TFEB: variants seen among roughly 807,000 people sequenced by gnomAD.
The protein encoded by TFEB is transcription factor EB.
In TFEB, 12 loss-of-function variants were observed where a neutral mutation model predicts 48.0. The observed-to-expected ratio is 0.25, with a 90% CI of 0.16 to 0.40. TFEB has a LOEUF of 0.40. Among genes scored for constraint, TFEB ranks in the 10% least tolerant of loss-of-function variants. The pLI, the probability that TFEB is intolerant of heterozygous loss-of-function variation, is 1.00. For synonymous variants in TFEB, 244 were observed against 261.4 expected (o/e 0.93, Z 0.64); for missense variants, 509 against 640.3 (o/e 0.79, Z 2.21).
intron 1 of TFEB, among the ~76,000 whole-genome samples, chr6:41,712,358 C>G (rs1226103961): frequency 6.6e-6 from 1 of 152,156 alleles, no homozygotes; most frequent in African/African-American, 2.4e-5. Context: ...GGGCACCGTG[C>G]CTTTTCCTGA....
chr6:41,687,645 C>T, intron 6 of TFEB, 108 bp downstream of exon 6: 1 of 1,433,910 alleles, frequency 7.0e-7, no homozygotes, highest in Non-Finnish European at 9.7e-7. Flanking sequence ...GTGAATTGGC[C>T]TTGAGCAGGG....
At chr6:41,697,501 A>C (rs1479784891) in intron 1 of TFEB, among the ~76,000 whole-genome samples, 2 of 74,220 alleles carry the variant, frequency 2.7e-5, no homozygotes, top group African/African-American at 1.4e-4. Context: ...CCCCTTCTCC[A>C]AACCCCCCCC....
Position 41,735,484 on chromosome 6 carries a change from GCCCGCCCCGTCCGCC to G in TFEB, c.-172_-158del. ...GCTCCGGCCCCGTGCCACCAGGGAG[GCCCGCCCCGTCCGCC>G]CTTCCCGCCGCCGTCGGCGCCGCGG... On this transcript the variant is annotated 5_prime_UTR_variant, in exon 1 of 9. Transcript: ENST00000373033. 5 of 984,598 alleles carry G rather than the reference GCCCGCCCCGTCCGCC, an allele frequency of 5.1e-6. No homozygotes were observed. Among genetic ancestry groups the G allele is most frequent in the Non-Finnish European group, 6.0e-6 (5 of 829,666 alleles). 61.0% of individuals were successfully genotyped at this position (984,598 alleles called of 1,614,324 possible).
intron 1 of TFEB, among the ~76,000 whole-genome samples, chr6:41,714,141 GTGTGTGTGCATGTGCA>G (rs1770615098): frequency 1.9e-5 from 1 of 53,078 alleles, no homozygotes; most frequent in Non-Finnish European, 3.2e-5. Context: ...GCATGTGTGC[GTGTGTGTGCATGTGCA>G]TGCGTGTGCA....
chr6:41,694,771 T>C (rs1050311843), intron 1 of TFEB, among the ~76,000 whole-genome samples: 2 of 152,108 alleles, frequency 1.3e-5, no homozygotes, highest in South Asian at 2.1e-4. Context: ...AAGGGTCCAC[T>C]GTGTACAGGT....
intron 1 of TFEB, among the ~76,000 whole-genome samples, chr6:41,712,896 C>G (rs1770547137): frequency 6.6e-6 from 1 of 152,206 alleles, no homozygotes. Flanking sequence ...ACCCACTCCC[C>G]CACCCGGCCT....
At chr6:41,704,874 T>C (rs1770123219) in intron 1 of TFEB, among the ~76,000 whole-genome samples, 1 of 152,226 alleles carries the variant, frequency 6.6e-6, no homozygotes, top group Non-Finnish European at 1.5e-5. Context: ...GAGGCCAGAA[T>C]GCAAGGCTGC....
chr6:41,712,376 T>G (rs140708102), intron 1 of TFEB, among the ~76,000 whole-genome samples: 6 of 152,268 alleles, frequency 3.9e-5, no homozygotes, highest in Middle Eastern at 3.4e-3. Flanking sequence ...TGAGTCCTGG[T>G]CTGGGATTGG....
rs981694388 is a variant in TFEB, at chr6:41,728,927, T to A, written c.-23+6423A>T. Among the ~76,000 whole-genome samples the A allele has an allele frequency of 1.1e-4, 16 of 152,110 alleles. 1 individual carries two copies. The highest frequency in any genetic ancestry group is 3.4e-4 in the African/African-American group (14 of 41,468). On this transcript the variant is annotated intron_variant, in intron 1 of 8. Transcript: ENST00000373033. ...GCATTTCTGGGCACACAATGGGGGC[T>A]CAATCCCATTCTCTCATCCATTCCA...
At chr6:41,707,264 G>T (rs1033212004) in intron 1 of TFEB, among the ~76,000 whole-genome samples, 2 of 152,212 alleles carry the variant, frequency 1.3e-5, no homozygotes, top group African/African-American at 4.8e-5. Context: ...TATCCAAGTG[G>T]CGGAGTGGGG....
At chr6:41,718,442 G>C (rs1179217479) in intron 1 of TFEB, among the ~76,000 whole-genome samples, 1 of 151,968 alleles carries the variant, frequency 6.6e-6, no homozygotes, top group Non-Finnish European at 1.5e-5. Context: ...TGAACTCCTA[G>C]GCTGAAGTCT....
chr6:41,734,468 G>T lies in TFEB; in HGVS notation c.-23+882C>A. The T allele has an allele frequency of 2.5e-6, 2 of 800,198 alleles. No individual in the cohort carries two copies. Among genetic ancestry groups the T allele is most frequent in the Non-Finnish European group, 3.0e-6 (2 of 661,368 alleles). 49.6% of individuals were successfully genotyped at this position (800,198 alleles called of 1,614,324 possible). A position where few individuals can be genotyped will look rare whatever the true frequency, so the allele number is the denominator to read the frequency against. On this transcript the variant is annotated intron_variant, in intron 1 of 8. Coordinates refer to ENST00000373033, the MANE Select transcript of TFEB (RefSeq NM_001271944.2). This position sits in a 1 kb window ranked among gnomAD's most constrained non-coding sequence, Gnocchi z 4.0. ...GCTCCCTTCCAGGAGGCGAGCGGAC[G>T]CGCTGGGCCAGAGCTGGTCGGGACA...
intron 1 of TFEB, among the ~76,000 whole-genome samples, chr6:41,706,351 C>A (rs1411050104): frequency 6.6e-6 from 1 of 152,174 alleles, no homozygotes; most frequent in Non-Finnish European, 1.5e-5. Flanking sequence ...TGTCTGGCAG[C>A]TTCTGCTTTC....
chr6:41,691,026 G>A lies in TFEB; in HGVS notation c.188C>T (p.Pro63Leu), dbSNP rs999187566. The A allele has an allele frequency of 5.1e-6, 8 of 1,575,154 alleles. No individual in the cohort carries two copies. In the Admixed American group the frequency reaches 1.3e-4, roughly 26 times the overall value. Reference sequence around the variant, plus strand: ...CTTCAACACCTCCCCAGGCACAGGTGGTGGCGACTGGAAGTGGACGGGGGT... The same window carrying A: ...CTTCAACACCTCCCCAGGCACAGGTAGTGGCGACTGGAAGTGGACGGGGGT... ...INTPVHFQSP[P>L]PVPGEVLKVQ... Residue 63 changes from proline (P) to leucine (L), a missense_variant, in exon 2 of 9, where the codon CCA becomes CTA. Around this residue, in one of 4 missense-constraint regions of TFEB, gnomAD observed 251 missense variants for 317.2 expected, o/e 0.79. Transcript: ENST00000373033. The surrounding 1 kb of genome is among the most constrained non-coding windows in gnomAD (Gnocchi z 5.2).
At chr6:41,686,966 C>A in intron 7 of TFEB, 128 bp downstream of exon 7, 1 of 796,186 alleles carries the variant, frequency 1.3e-6, no homozygotes, top group South Asian at 1.5e-5. Flanking sequence ...GATCTTTTCT[C>A]AAATAGATGA....
rs750828378 is a variant in TFEB at position 41,684,777 on chromosome 6, G to T, written c.1253C>A (p.Ala418Glu). ...EGPPGYPEPL[A>E]PGHGSPFPSL... ...GGGGAATGGGGAGCCATGCCCCGGCGCCAGGGGTTCGGGGTAGCCCGGGGG... is the reference window on the plus strand; with the variant it reads ...GGGGAATGGGGAGCCATGCCCCGGCTCCAGGGGTTCGGGGTAGCCCGGGGG... Residue 418 changes from alanine to glutamate, a missense_variant, in exon 9 of 9, where the codon GCG becomes GAG. Ala to Glu is a moderately radical substitution (Grantham distance 107). Coordinates refer to ENST00000373033, the MANE Select transcript of TFEB (RefSeq NM_001271944.2). 1.2e-6 allele frequency: 2 copies of T among 1,610,832 alleles called. No homozygotes were observed. Among genetic ancestry groups the T allele is most frequent in the Admixed American group, 1.7e-5 (1 of 59,586 alleles).
At chr6:41,712,025 G>A (rs889942502) in intron 1 of TFEB, among the ~76,000 whole-genome samples, 12 of 152,142 alleles carry the variant, frequency 7.9e-5, no homozygotes, top group African/African-American at 2.9e-4. Flanking sequence ...TCAGCAGTGG[G>A]GGTCCAGTCC....
intron 4 of TFEB, 73 bp from the exon 5 acceptor site, chr6:41,688,101 T>A: frequency 6.5e-7 from 1 of 1,535,210 alleles, no homozygotes; most frequent in Non-Finnish European, 8.8e-7. Flanking sequence ...GGGCCTATCA[T>A]CCCAGGAGCA....
intron 1 of TFEB, among the ~76,000 whole-genome samples, chr6:41,722,636 G>A (rs546688691): frequency 2.2e-4 from 34 of 152,374 alleles, no homozygotes; most frequent in African/African-American, 7.9e-4. Flanking sequence ...GACTGAGGGT[G>A]AAGGGGCTGG....
Sources: allele counts gnomAD v4.1 joint callset (sites outside exome capture counted in the v4.1 genomes callset), GRCh38; gene constraint gnomAD v4.1.1; regional missense constraint gnomAD v4.1.1; non-coding constraint Gnocchi (gnomAD v3.1); transcripts MANE v1.5; gene names NCBI Gene and HGNC (gene_info 2026-07-23, HGNC 2026-07-21).